PCDHGA2: variants seen among roughly 807,000 people sequenced by gnomAD.
PCDHGA2 encodes protocadherin gamma-A2.
A neutral mutation model predicts 59.2 loss-of-function variants in PCDHGA2; 40 were observed. That is an observed-to-expected ratio of 0.68 (90% CI 0.52 to 0.88). PCDHGA2 has a LOEUF of 0.88. PCDHGA2 is among the 40% of genes least tolerant of loss of function. The pLI, the probability that PCDHGA2 is intolerant of heterozygous loss-of-function variation, is 0.00. For synonymous variants in PCDHGA2, 560 were observed against 526.0 expected (o/e 1.06, Z -0.89); for missense variants, 1,226 against 1,204.0 (o/e 1.02, Z -0.27).
At chr5:141,382,895 C>A (rs1554087243) in intron 1 of PCDHGA2, 1 of 1,536,202 alleles carries the variant, frequency 6.5e-7, no homozygotes, top group South Asian at 1.3e-5. Flanking sequence ...AGAAGCAGGA[C>A]GACTATGGCG....
At chr5:141,434,194 GTACT>G (rs527775432) in intron 1 of PCDHGA2, among the ~76,000 whole-genome samples, 169 of 152,308 alleles carry the variant, frequency 1.1e-3, no homozygotes, top group African/African-American at 3.9e-3. Flanking sequence ...TAATTCCAAT[GTACT>G]TACTTCTGTC....
intron 1 of PCDHGA2, chr5:141,393,148 A>AT: frequency 6.2e-7 from 1 of 1,613,332 alleles, no homozygotes; most frequent in Non-Finnish European, 8.5e-7. Context: ...CTGGTTGAGG[A>AT]TAAAGGAAAA....
At chr5:141,411,423 CA>C (rs200531177) in intron 1 of PCDHGA2, 3 of 147,666 alleles carry the variant, frequency 2.0e-5, no homozygotes, top group Admixed American at 6.8e-5. Context: ...ACAACAACAA[CA>C]AAAAAAAACA....
chr5:141,376,466 C>G, intron 1 of PCDHGA2: 3 of 1,614,200 alleles, frequency 1.9e-6, no homozygotes, highest in Non-Finnish European at 2.5e-6. Flanking sequence ...TCTGATAACT[C>G]AGGATTTACT....
intron 1 of PCDHGA2, chr5:141,391,956 A>G (rs1440560320): frequency 6.6e-6 from 1 of 152,246 alleles, no homozygotes; most frequent in Non-Finnish European, 1.5e-5. Flanking sequence ...AAAAATATAA[A>G]CAATGTAAAT....
chr5:141,363,504 C>T (rs750214934), intron 1 of PCDHGA2, among the ~76,000 whole-genome samples: 3 of 152,206 alleles, frequency 2.0e-5, no homozygotes, highest in Non-Finnish European at 4.4e-5. Context: ...AAAACCCCAT[C>T]CTCCACAGTT....
At chr5:141,448,580 TTACAAAAAGATAAAA>T (rs1484851220) in intron 1 of PCDHGA2, among the ~76,000 whole-genome samples, 1 of 152,180 alleles carries the variant, frequency 6.6e-6, no homozygotes, top group Non-Finnish European at 1.5e-5. Context: ...CCCATTTTTT[TTACAAAAAGATAAAA>T]TACTATACAC....
Position 141,340,416 on chromosome 5 carries a change from A to G in PCDHGA2, c.1445A>G (p.Asn482Ser). Residue 482 changes from asparagine (N) to serine (S), a missense_variant, in exon 1 of 4, where the codon AAC becomes AGC. Physicochemically the swap from Asn to Ser is conservative, Grantham distance 46. Transcript: ENST00000394576. ...GTGACGGCCCATGACCCCGACAGCA[A>G]CGACAATGCTCATGTAACTTACTCT... ...FSVTAHDPDSNDNAHVTYSFA... is the reference protein window; with the variant it reads ...FSVTAHDPDSSDNAHVTYSFA... 6.2e-7 allele frequency: 1 copy of G among 1,614,172 alleles called. No homozygotes were observed. Among genetic ancestry groups the G allele is most frequent in the East Asian group, 2.2e-5 (1 of 44,878 alleles).
At chr5:141,368,939 G>A (rs920878647) in intron 1 of PCDHGA2, among the ~76,000 whole-genome samples, 3 of 152,146 alleles carry the variant, frequency 2.0e-5, no homozygotes, top group African/African-American at 7.2e-5. Context: ...TAGAATTCTG[G>A]TTACTGTGAG....
At position 141,490,460 on chromosome 5, in the gene PCDHGA2, TA is replaced by T. The variant is rs1393913480; in HGVS notation, c.2425-4345del. 1.2e-6 allele frequency: 2 copies of T among 1,614,094 alleles called. No individual in the cohort carries two copies. The highest frequency in any genetic ancestry group is 1.7e-6 in the Non-Finnish European group (2 of 1,180,048). On this transcript the variant is annotated intron_variant, in intron 1 of 3. Coordinates refer to ENST00000394576, the MANE Select transcript of PCDHGA2 (RefSeq NM_018915.4). The surrounding 1 kb of genome is among the most constrained non-coding windows in gnomAD (Gnocchi z 5.4). ...CCTTCTGAGAACCACTACTCGCTGC[TA>T]ACCAGCCAGCCTTTGGACCGGGAGG... is the stretch of plus-strand genomic sequence containing the variant.
chr5:141,344,821 C>G, intron 1 of PCDHGA2: 1 of 1,613,918 alleles, frequency 6.2e-7, no homozygotes. Context: ...CGGCTGCTCA[C>G]GGTGAATGCC....
Position 141,477,016 on chromosome 5 carries a change from A to G in PCDHGA2, c.2425-17791A>G, listed in dbSNP as rs2099403497. Reference sequence around the variant, plus strand: ...GGCAACTATTCGCCTTAGACCTTGTAACCGGGATGCTGACAATCAAGGGTC... The same window carrying G: ...GGCAACTATTCGCCTTAGACCTTGTGACCGGGATGCTGACAATCAAGGGTC... On this transcript the variant is annotated intron_variant, in intron 1 of 3. Transcript: ENST00000394576. The surrounding 1 kb of genome is among the most constrained non-coding windows in gnomAD (Gnocchi z 4.9). 4.3e-6 allele frequency: 7 copies of G among 1,614,130 alleles called. No homozygotes were observed. The highest frequency in any genetic ancestry group is 5.9e-6 in the Non-Finnish European group (7 of 1,180,050).
intron 1 of PCDHGA2, chr5:141,415,098 G>T (rs578221269): frequency 1.9e-5 from 31 of 1,613,588 alleles, no homozygotes; most frequent in African/African-American, 1.7e-4. Flanking sequence ...ACAGAGACGC[G>T]CTCAAGCAAA....
intron 1 of PCDHGA2, chr5:141,389,596 C>A: frequency 6.2e-7 from 1 of 1,613,132 alleles, no homozygotes; most frequent in Non-Finnish European, 8.5e-7. Context: ...GACGGCTCTG[C>A]GCTCTTCGAT....
chr5:141,399,660 C>T (rs988885728), intron 1 of PCDHGA2: 2 of 1,613,654 alleles, frequency 1.2e-6, no homozygotes, highest in East Asian at 2.2e-5. Context: ...GGGTGGTGTT[C>T]GCGCAGCGCG....
rs141397385 is a variant in PCDHGA2 at position 141,476,135 on chromosome 5, A to C, written c.2425-18672A>C. 8.4e-4 allele frequency: 1,352 copies of C among 1,608,526 alleles called. 1 individual carries two copies. Among genetic ancestry groups the C allele is most frequent in the Non-Finnish European group, 1.1e-3 (1,319 of 1,178,332 alleles). On this transcript the variant is annotated intron_variant, in intron 1 of 3. Transcript: ENST00000394576. This position sits in a 1 kb window ranked among gnomAD's most constrained non-coding sequence, Gnocchi z 7.6. ...GAGTGAGATGGTCCCAGAGGCCTGG[A>C]GGAGCGGACTGGTAAGCACCGGGAG...
At chr5:141,438,591 CATATATATATATATATAT>C (rs946798767) in intron 1 of PCDHGA2, among the ~76,000 whole-genome samples, 2 of 75,562 alleles carry the variant, frequency 2.6e-5, no homozygotes, top group Non-Finnish European at 5.4e-5. Context: ...TACATACATA[CATATATATATATATATAT>C]ATATATATAT....
intron 1 of PCDHGA2, chr5:141,492,013 T>G: frequency 1.6e-6 from 1 of 610,970 alleles, no homozygotes; most frequent in Non-Finnish European, 2.7e-6. Context: ...TCCGCGGGTG[T>G]CGGGGGTCCC....
At chr5:141,426,825 A>G (rs747894160) in intron 1 of PCDHGA2, 26 of 456,582 alleles carry the variant, frequency 5.7e-5, no homozygotes, top group Non-Finnish European at 9.3e-5. Context: ...CTCTCTGATG[A>G]TGGACAAGAC....
Sources: gnomAD v4.1 joint callset for allele counts (sites outside exome capture counted in the v4.1 genomes callset) on GRCh38, gnomAD v4.1.1 for gene constraint, Gnocchi (gnomAD v3.1) non-coding constraint, MANE v1.5 for transcripts, NCBI Gene and HGNC (gene_info 2026-07-23, HGNC 2026-07-21) for gene names.